Variants in ARHGAP10 observed in about 807,000 individuals in gnomAD.
The protein encoded by ARHGAP10 is Rho GTPase activating protein 10.
In ARHGAP10, 87 loss-of-function variants were observed where a neutral mutation model predicts 108.6. The ratio of observed to expected loss-of-function variants is 0.80; its 90% confidence interval spans 0.67 to 0.96. The LOEUF is 0.96. Ranked by LOEUF, ARHGAP10 falls within the 40% of genes least tolerant of loss-of-function variation. The pLI is 0.00. For missense variants in ARHGAP10, 939 were observed against 954.5 expected (o/e 0.98, Z 0.21); for synonymous variants, 347 against 341.1 (o/e 1.02, Z -0.19).
At chr4:148,034,031 C>T (rs1728265316) in intron 19 of ARHGAP10, among the ~76,000 whole-genome samples, 2 of 152,144 alleles carry the variant, frequency 1.3e-5, no homozygotes, top group Admixed American at 6.5e-5. Flanking sequence ...TGTTTATGAT[C>T]TCAGCAAATC....
At chr4:147,845,029 T>A (rs1435750684) in intron 3 of ARHGAP10, among the ~76,000 whole-genome samples, 1 of 152,216 alleles carries the variant, frequency 6.6e-6, no homozygotes, top group Admixed American at 6.5e-5. Context: ...CAGGCTCACT[T>A]CATTGCTCCT....
Position 147,864,881 on chromosome 4 carries a change from C to A in ARHGAP10, c.522C>A (p.Phe174Leu), listed in dbSNP as rs776814778. 6.2e-7 allele frequency: 1 copy of A among 1,614,086 alleles called. No individual in the cohort carries two copies. The highest frequency in any genetic ancestry group is 8.5e-7 in the Non-Finnish European group (1 of 1,180,000). ...AAGTAGAGCAGAACCGGCAACACTT[C>A]TATGAACTGTCTCTCGAGTATGTGT... ...DIQVEQNRQHFYELSLEYVCK... is the reference protein window; with the variant it reads ...DIQVEQNRQHLYELSLEYVCK... The change falls in exon 6 of 23, where the codon TTC (phenylalanine) becomes TTA (leucine). Residue 174 changes from phenylalanine to leucine, a missense_variant. Physicochemically the swap from Phe to Leu is conservative, Grantham distance 22 (BLOSUM62 0). Transcript: ENST00000336498.
intron 13 of ARHGAP10, among the ~76,000 whole-genome samples, chr4:147,925,561 G>A (rs1399220355): frequency 6.6e-6 from 1 of 152,134 alleles, no homozygotes; most frequent in African/African-American, 2.4e-5. Flanking sequence ...GCACACACAT[G>A]TTAGATGGAT....
At chr4:148,064,626 C>G in intron 22 of ARHGAP10, 119 bp downstream of exon 22, 1 of 896,808 alleles carries the variant, frequency 1.1e-6, no homozygotes. Context: ...CCCCTTGATG[C>G]TTTGGACTGG....
intron 1 of ARHGAP10, among the ~76,000 whole-genome samples, chr4:147,762,706 T>G (rs1446912607): frequency 6.6e-6 from 1 of 151,364 alleles, no homozygotes; most frequent in South Asian, 2.1e-4. Context: ...ATTTTTTTTG[T>G]ATTTTTAGTA....
chr4:148,026,640 T>C (rs528358718), intron 19 of ARHGAP10, among the ~76,000 whole-genome samples: 1 of 152,346 alleles, frequency 6.6e-6, no homozygotes, highest in African/African-American at 2.4e-5. Flanking sequence ...AAAATGGATA[T>C]AGTATCTGGC....
At position 147,929,741 on chromosome 4, in the gene ARHGAP10, C is replaced by T. The variant is rs113793192; in HGVS notation, c.1229-10084C>T. Among the ~76,000 whole-genome samples, 1,474 of 152,062 alleles carry T rather than the reference C, an allele frequency of 9.7e-3. 28 individuals are homozygous for T. The highest frequency in any genetic ancestry group is 0.034 in the African/African-American group (1,404 of 41,466). Reference sequence around the variant, plus strand: ...TTTTCTAATTATTTCATGAAGAGTGCGTTTTTCCTTCATTTTCAAGAATAT... The same window carrying T: ...TTTTCTAATTATTTCATGAAGAGTGTGTTTTTCCTTCATTTTCAAGAATAT... On this transcript the variant is annotated intron_variant, in intron 13 of 22. Coordinates refer to ENST00000336498, the MANE Select transcript of ARHGAP10 (RefSeq NM_024605.4).
At position 148,041,548 on chromosome 4, in the gene ARHGAP10, T is replaced by C. The variant is rs1728633396; in HGVS notation, c.1868-5344T>C. 3.3e-5 allele frequency among the ~76,000 whole-genome samples: 5 copies of C among 152,234 alleles called. No individual in the cohort carries two copies. In the South Asian group the frequency reaches 1.0e-3, roughly 32 times the overall value. ...AAACTACCTGAAGTGTAAAAGCTTA[T>C]CATTAGATTAAAATAAGATATAAAC... On this transcript the variant is annotated intron_variant, in intron 19 of 22. Transcript: ENST00000336498.
intron 1 of ARHGAP10, chr4:147,782,523 GA>G (rs1467692108): frequency 6.6e-6 from 1 of 152,166 alleles, no homozygotes; most frequent in Non-Finnish European, 1.5e-5. Context: ...TGCTTTGTGA[GA>G]ACTGTGTACA....
At chr4:148,025,210 C>T (rs1201366577) in intron 19 of ARHGAP10, among the ~76,000 whole-genome samples, 1 of 152,118 alleles carries the variant, frequency 6.6e-6, no homozygotes, top group African/African-American at 2.4e-5. Context: ...TAAAATAATT[C>T]GTTAAAATTA....
intron 11 of ARHGAP10, 24 bp from the exon 12 acceptor site, chr4:147,909,708 T>C: frequency 6.3e-7 from 1 of 1,599,856 alleles, no homozygotes. Context: ...TAAAAAATTC[T>C]GTTTTTCCAT....
chr4:147,934,153 A>G (rs1737829448), intron 13 of ARHGAP10, among the ~76,000 whole-genome samples: 1 of 152,236 alleles, frequency 6.6e-6, no homozygotes, highest in Admixed American at 6.5e-5. Context: ...CCAAAGCACC[A>G]GTGTGCAAGA....
intron 18 of ARHGAP10, among the ~76,000 whole-genome samples, chr4:148,011,789 C>T (rs1741178841): frequency 2.0e-5 from 3 of 152,202 alleles, no homozygotes; most frequent in Non-Finnish European, 4.4e-5. Context: ...TAACTGTAAT[C>T]TATCAGGAGA....
At chr4:147,938,623 A>G (rs959707350) in intron 13 of ARHGAP10, among the ~76,000 whole-genome samples, 1 of 152,148 alleles carries the variant, frequency 6.6e-6, no homozygotes, top group Non-Finnish European at 1.5e-5. Flanking sequence ...ACTTGAATCC[A>G]ATTCTTTAGA....
chr4:148,009,834 T>A (rs866405063), intron 18 of ARHGAP10, among the ~76,000 whole-genome samples: 35 of 152,170 alleles, frequency 2.3e-4, no homozygotes, highest in African/African-American at 8.2e-4. Context: ...TTTGGCCCTT[T>A]GAGTCGAGTT....
intron 14 of ARHGAP10, among the ~76,000 whole-genome samples, chr4:147,941,780 T>G (rs1738173232): frequency 6.6e-6 from 1 of 152,224 alleles, no homozygotes; most frequent in South Asian, 2.1e-4. Context: ...TACCATTTTC[T>G]TATTACCTTA....
chr4:147,957,542 T>A (rs567831807), intron 16 of ARHGAP10, among the ~76,000 whole-genome samples: 14 of 152,340 alleles, frequency 9.2e-5, no homozygotes, highest in African/African-American at 2.6e-4. Context: ...CAAGTGTCTG[T>A]TAGCTGAGCT....
intron 15 of ARHGAP10, among the ~76,000 whole-genome samples, chr4:147,949,982 CT>C (rs1314618782): frequency 6.6e-6 from 1 of 152,140 alleles, no homozygotes; most frequent in Admixed American, 6.6e-5. Flanking sequence ...CTTATTGCCC[CT>C]GGTCTTGTGT....
At chr4:147,893,542 A>G (rs1276581626) in intron 10 of ARHGAP10, among the ~76,000 whole-genome samples, 1 of 147,868 alleles carries the variant, frequency 6.8e-6, no homozygotes, top group African/African-American at 2.5e-5. Context: ...GTAAATATAT[A>G]TCACATGTAT....
Sources: gnomAD v4.1 joint callset for allele counts (sites outside exome capture counted in the v4.1 genomes callset) on GRCh38, gnomAD v4.1.1 for gene constraint, MANE v1.5 for transcripts, NCBI Gene and HGNC (gene_info 2026-07-23, HGNC 2026-07-21) for gene names.